The following ICE1 variants were observed in gnomAD, a reference collection of about 807,000 sequenced individuals.
ICE1 encodes the protein interactor of little elongation complex ELL subunit 1, also known as little elongation complex subunit 1.
Under a neutral mutation model 192.7 loss-of-function variants are expected in ICE1, and 64 were observed. The observed-to-expected ratio is 0.33, with a 90% CI of 0.27 to 0.41. The LOEUF (loss-of-function observed/expected upper bound fraction) is 0.41. Among genes scored for constraint, ICE1 ranks in the 10% least tolerant of loss-of-function variants. The pLI, the probability that ICE1 is intolerant of heterozygous loss-of-function variation, is 1.00. For missense variants in ICE1, 2,708 were observed against 2,696.0 expected, an observed-to-expected ratio of 1.00 and a Z score of -0.10; for synonymous variants, 1,010 against 984.5, an observed-to-expected ratio of 1.03 and a Z score of -0.49.
rs1035316568 is a variant in ICE1 at position 5,436,427 on chromosome 5, G to C, written c.94G>C (p.Glu32Gln). Reference protein sequence around the residue: ...GCASLQQNLNEYVEALITLKQ... With the variant: ...GCASLQQNLNQYVEALITLKQ... ...GCTTTTTTTCTTTCAGAATTTGAATGAATATGTTGAAGCATTAATTACCTT... is the reference window on the plus strand; with the variant it reads ...GCTTTTTTTCTTTCAGAATTTGAATCAATATGTTGAAGCATTAATTACCTT... The change falls in exon 2 of 19, where the codon GAA becomes CAA. Residue 32 changes from glutamate to glutamine, a missense_variant. By Grantham distance (29) the Glu-to-Gln change is conservative (BLOSUM62 2). Transcript: ENST00000296564. The C allele has an allele frequency of 6.8e-7, 1 of 1,468,410 alleles. No homozygotes were observed. The highest frequency in any genetic ancestry group is 1.5e-5 in the African/African-American group (1 of 68,272). The allele number at this position is 1,468,410 out of a possible 1,614,324, so 91.0% of individuals were successfully genotyped here.
chr5:5,466,910 C>T (rs184475974), intron 14 of ICE1, among the ~76,000 whole-genome samples: 114 of 152,292 alleles, frequency 7.5e-4, no homozygotes, highest in Non-Finnish European at 1.2e-3. Flanking sequence ...TGAAAGGAGA[C>T]GGTGACATGA....
In ICE1 at chr5:5,448,874, C is replaced by T. The variant is rs191368488; in HGVS notation, c.604+977C>T. Among the ~76,000 whole-genome samples, 199 of 152,290 alleles carry T rather than the reference C, an allele frequency of 1.3e-3. 1 individual carries two copies. The Middle Eastern group carries it at 0.014, about 10-fold the overall frequency. On this transcript the variant is annotated intron_variant, in intron 10 of 18. Coordinates refer to ENST00000296564, the MANE Select transcript of ICE1 (RefSeq NM_015325.3). The stretch of plus-strand genomic sequence containing the variant: ...CCTACCACTATGACTAGATATGATT[C>T]CATGTGCTTTTGACTAGATTCTTTG...
chr5:5,456,039 T>C (rs1738572170), intron 11 of ICE1, among the ~76,000 whole-genome samples: 1 of 152,196 alleles, frequency 6.6e-6, no homozygotes. Context: ...GCCCATTGTT[T>C]TGGCTTATGT....
At chr5:5,468,311 T>TG (rs1454385563) in intron 14 of ICE1, among the ~76,000 whole-genome samples, 1 of 152,210 alleles carries the variant, frequency 6.6e-6, no homozygotes, top group Non-Finnish European at 1.5e-5. Flanking sequence ...TATTGACTGT[T>TG]GTGGTGGTGG....
chr5:5,439,202 A>G (rs1646892037), intron 3 of ICE1, among the ~76,000 whole-genome samples: 1 of 152,160 alleles, frequency 6.6e-6, no homozygotes, highest in African/African-American at 2.4e-5. Flanking sequence ...TGCAAAGATT[A>G]ATTTAGGATG....
At chr5:5,440,627 G>A (rs890362563) in intron 4 of ICE1, among the ~76,000 whole-genome samples, 2 of 152,166 alleles carry the variant, frequency 1.3e-5, no homozygotes, top group African/African-American at 2.4e-5. Context: ...ATAGCAAATA[G>A]TACTATTTAA....
chr5:5,469,401 T>C (rs1739088025), intron 15 of ICE1, among the ~76,000 whole-genome samples: 1 of 152,204 alleles, frequency 6.6e-6, no homozygotes, highest in Non-Finnish European at 1.5e-5. Context: ...GTTGATAGAA[T>C]TTGTTTTTAT....
At chr5:5,460,349 TGTA>T in intron 12 of ICE1, 84 bp from the exon 13 acceptor site, 1 of 880,686 alleles carries the variant, frequency 1.1e-6, no homozygotes, top group Non-Finnish European at 1.7e-6. Context: ...TCAGGAAACG[TGTA>T]CTTTTAAAAA....
At chr5:5,468,797 A>C in intron 14 of ICE1, 31 bp from the exon 15 acceptor site, 1 of 1,348,110 alleles carries the variant, frequency 7.4e-7, no homozygotes. Context: ...TCATACATCA[A>C]AGAGTTATTG....
intron 10 of ICE1, among the ~76,000 whole-genome samples, chr5:5,448,608 A>G (rs1738317663): frequency 6.6e-6 from 1 of 152,202 alleles, no homozygotes; most frequent in Non-Finnish European, 1.5e-5. Flanking sequence ...GTGGGGATGC[A>G]TTTAAAATGT....
intron 5 of ICE1, among the ~76,000 whole-genome samples, chr5:5,442,842 T>G (rs1738088418): frequency 6.6e-6 from 1 of 152,252 alleles, no homozygotes. Context: ...ATATTTATTA[T>G]GCTCTAATAT....
At chr5:5,447,126 A>G (rs188148199) in intron 7 of ICE1, among the ~76,000 whole-genome samples, 2 of 151,890 alleles carry the variant, frequency 1.3e-5, no homozygotes, top group African/African-American at 2.4e-5. Context: ...TGGGACGGCA[A>G]CTCCCTTTTA....
At chr5:5,428,266 G>A (rs147798241) in intron 1 of ICE1, among the ~76,000 whole-genome samples, 164 of 152,156 alleles carry the variant, frequency 1.1e-3, no homozygotes, top group Admixed American at 3.8e-3. Flanking sequence ...TCCAGTCCAC[G>A]CTGTGCCAGA....
chr5:5,447,752 A>G lies in ICE1; in HGVS notation c.539A>G (p.Asn180Ser). ...ERLDEFSKQK[N>S]EKELRHIGTQ... The stretch of plus-strand genomic sequence containing the variant: ...CTTGACGAATTTTCTAAACAGAAAA[A>G]TGAAAAGGGTGAGTATTCAGTTAAT... The change falls in exon 9 of 19, where the codon AAT becomes AGT. Residue 180 changes from asparagine to serine, a missense_variant. Asn to Ser is a conservative substitution (Grantham distance 46). Around this residue, in one of 2 missense-constraint regions of ICE1, gnomAD observed 2,366 missense variants for 2,276.6 expected, o/e 1.04. Coordinates refer to ENST00000296564, the MANE Select transcript of ICE1 (RefSeq NM_015325.3). The G allele has an allele frequency of 6.3e-7, 1 of 1,585,480 alleles. No homozygotes were observed. The highest frequency in any genetic ancestry group is 1.1e-5 in the South Asian group (1 of 87,152).
intron 1 of ICE1, among the ~76,000 whole-genome samples, chr5:5,426,588 C>T (rs930116334): frequency 1.3e-5 from 2 of 151,852 alleles, no homozygotes; most frequent in Admixed American, 6.6e-5. Context: ...GAGTCAGTGA[C>T]GGAAAACCAA....
chr5:5,476,289 A>G (rs1739310380), intron 17 of ICE1, among the ~76,000 whole-genome samples: 1 of 152,204 alleles, frequency 6.6e-6, no homozygotes, highest in Admixed American at 6.5e-5. Flanking sequence ...AAGATTTTTC[A>G]TATTAGTACA....
At chr5:5,449,784 TC>T (rs925819956) in intron 10 of ICE1, among the ~76,000 whole-genome samples, 1 of 152,240 alleles carries the variant, frequency 6.6e-6, no homozygotes, top group Non-Finnish European at 1.5e-5. Flanking sequence ...AGTTTCATTT[TC>T]TAAAGTTTTA....
At chr5:5,466,050 A>C (rs1192269315) in intron 13 of ICE1, among the ~76,000 whole-genome samples, 2 of 152,184 alleles carry the variant, frequency 1.3e-5, no homozygotes, top group African/African-American at 4.8e-5. Context: ...AGTGGTAGTG[A>C]CAGTATGCAG....
intron 4 of ICE1, among the ~76,000 whole-genome samples, chr5:5,440,617 A>C (rs1738015378): frequency 6.6e-6 from 1 of 152,234 alleles, no homozygotes; most frequent in Admixed American, 6.5e-5. Context: ...GTACTATTTA[A>C]TAGCAAATAG....
Sources: gnomAD v4.1 joint callset for allele counts (sites outside exome capture counted in the v4.1 genomes callset) on GRCh38, gnomAD v4.1.1 for gene constraint, gnomAD v4.1.1 regional missense constraint, MANE v1.5 for transcripts, NCBI Gene and HGNC (gene_info 2026-07-23, HGNC 2026-07-21) for gene names.